The following NACA variants were observed in gnomAD, a reference collection of about 807,000 sequenced individuals.
NACA encodes nascent polypeptide associated complex subunit alpha, also known as nascent polypeptide-associated complex subunit alpha.
A neutral mutation model predicts 86.4 loss-of-function variants in NACA; 42 were observed. The observed-to-expected ratio is 0.49, with a 90% CI of 0.38 to 0.63. The LOEUF (loss-of-function observed/expected upper bound fraction) is 0.63, where lower values mean the gene tolerates loss of function less well. Among genes scored for constraint, NACA ranks in the 20% least tolerant of loss-of-function variants. NACA has a pLI of 0.00. For synonymous variants in NACA, 898 were observed against 973.7 expected, an observed-to-expected ratio of 0.92 and a Z score of 1.45; for missense variants, 2,157 against 2,483.6, an observed-to-expected ratio of 0.87 and a Z score of 2.80.
Position 56,717,214 on chromosome 12 carries a change from G to T in NACA, c.4316C>A (p.Thr1439Asn). The T allele has an allele frequency of 7.7e-7, 1 of 1,306,914 alleles. No homozygotes were observed. The highest frequency in any genetic ancestry group is 1.5e-5 in the South Asian group (1 of 66,012). The allele number at this position is 1,306,914 out of a possible 1,614,324, so 81.0% of individuals were successfully genotyped here. A position where few individuals can be genotyped will look rare whatever the true frequency, so the allele number is the denominator to read the frequency against. Reference sequence around the variant, plus strand: ...TGGGGCCTTTTTGAGGGAGACAGGAGTCACTGCTGGGGGAGTGAGATCTCC... The same window carrying T: ...TGGGGCCTTTTTGAGGGAGACAGGATTCACTGCTGGGGGAGTGAGATCTCC... Reference protein sequence around the residue: ...SKGDLTPPAVTPVSLKKAPAT... With the variant: ...SKGDLTPPAVNPVSLKKAPAT... Residue 1439 changes from threonine (T) to asparagine (N), a missense_variant, in exon 3 of 9, where the codon ACT becomes AAT. By Grantham distance (65) the Thr-to-Asn change is moderately conservative. Coordinates refer to ENST00000454682, the MANE Select transcript of NACA (RefSeq NM_001365896.1).
At chr12:56,722,878 G>C (rs1953611208) in intron 2 of NACA, among the ~76,000 whole-genome samples, 1 of 141,734 alleles carries the variant, frequency 7.1e-6, no homozygotes, top group Non-Finnish European at 1.5e-5. Context: ...TGCTTAGAAG[G>C]GAATGTTAAG....
chr12:56,713,010 G>T, intron 7 of NACA, 52 bp downstream of exon 7: 1 of 1,611,130 alleles, frequency 6.2e-7, no homozygotes, highest in Non-Finnish European at 8.5e-7. Flanking sequence ...TCACCAACAC[G>T]AACACAATGC....
intron 1 of NACA, 197 bp from the exon 2 acceptor site, chr12:56,724,720 G>A: frequency 1.7e-6 from 1 of 577,836 alleles, no homozygotes; most frequent in Non-Finnish European, 3.0e-6. Flanking sequence ...ATCAAGGCCA[G>A]CAATTCCCAC....
chr12:56,717,667 T>C lies in NACA; in HGVS notation c.3863A>G (p.Asn1288Ser), dbSNP rs552914942. 16 of 1,089,710 alleles carry C rather than the reference T, an allele frequency of 1.5e-5. No homozygotes were observed. The East Asian group carries it at 2.6e-4, about 17-fold the overall frequency. The allele number at this position is 1,089,710 out of a possible 1,614,324, so 67.5% of individuals were successfully genotyped here. A position where few individuals can be genotyped will look rare whatever the true frequency, so the allele number is the denominator to read the frequency against. ...LATPPHKGAPNPAVVTPPSPK... is the reference protein window; with the variant it reads ...LATPPHKGAPSPAVVTPPSPK... ...AGAGGGAGGAGTTACAACTGCGGGATTGGGGGCCCCTTTGTGGGGTGGGGT... is the reference window on the plus strand; with the variant it reads ...AGAGGGAGGAGTTACAACTGCGGGACTGGGGGCCCCTTTGTGGGGTGGGGT... Residue 1288 changes from asparagine (N) to serine (S), a missense_variant, in exon 3 of 9, where the codon AAT becomes AGT. Physicochemically the swap from Asn to Ser is conservative, Grantham distance 46. Around this residue, in one of 8 missense-constraint regions of NACA, gnomAD observed 797 missense variants for 777.6 expected, o/e 1.02. Transcript: ENST00000454682.
rs761964739 is a variant in NACA at position 56,719,374 on chromosome 12, G to T, written c.2156C>A (p.Ala719Asp). ...PVAPSPQNTC[A>D]PLATLVLAPE... ...GGCCAGCACTAAGGTAGCCAGAGGA[G>T]CACAGGTATTCTGGGGGGATGGAGC... The change falls in exon 3 of 9, where the codon GCT becomes GAT. Residue 719 changes from alanine to aspartate, a missense_variant. Ala to Asp is a moderately radical substitution (Grantham distance 126, BLOSUM62 -2). Transcript: ENST00000454682. 9.9e-6 allele frequency: 16 copies of T among 1,610,674 alleles called. No individual in the cohort carries two copies. The South Asian group carries it at 1.8e-4, about 18-fold the overall frequency.
intron 1 of NACA, 80 bp from the exon 2 acceptor site, chr12:56,724,603 A>T: frequency 6.9e-7 from 1 of 1,459,836 alleles, no homozygotes; most frequent in Non-Finnish European, 9.3e-7. Flanking sequence ...GTATTCTTAA[A>T]AACTCCGAGG....
chr12:56,723,846 T>C (rs1953639114), intron 2 of NACA, among the ~76,000 whole-genome samples: 1 of 152,206 alleles, frequency 6.6e-6, no homozygotes, highest in Non-Finnish European at 1.5e-5. Context: ...GTCGTTAATT[T>C]CGACGCTGAG....
intron 6 of NACA, 64 bp from the exon 7 acceptor site, chr12:56,713,254 A>T (rs868609068): frequency 1.3e-6 from 2 of 1,563,374 alleles, no homozygotes; most frequent in East Asian, 4.6e-5. Context: ...TAAATCATAT[A>T]GTTTCACAAC....
Position 56,719,812 on chromosome 12 carries a change from A to G in NACA, c.1718T>C (p.Phe573Ser), listed in dbSNP as rs1399745325. 6.2e-7 allele frequency: 1 copy of G among 1,613,680 alleles called. No homozygotes were observed. The highest frequency in any genetic ancestry group is 8.5e-7 in the Non-Finnish European group (1 of 1,179,850). The change falls in exon 3 of 9, where the codon TTC (phenylalanine) becomes TCC (serine). Residue 573 changes from phenylalanine (F) to serine (S), a missense_variant. By Grantham distance (155) the Phe-to-Ser change is radical (BLOSUM62 -2). Coordinates refer to ENST00000454682, the MANE Select transcript of NACA (RefSeq NM_001365896.1). The part of the protein sequence containing the change: ...VQAAPKNSPS[F>S]QSTSSSPEIP... ...CTCTGGAGAAGAGGATGTACTTTGG[A>G]AAGAAGGGGAATTTTTAGGGGCTGC... is the stretch of plus-strand genomic sequence containing the variant.
Position 56,723,830 on chromosome 12 carries a change from T to G in NACA, c.70+622A>C, listed in dbSNP as rs1229332183. 2.0e-5 allele frequency among the ~76,000 whole-genome samples: 3 copies of G among 152,334 alleles called. No homozygotes were observed. In the South Asian group the frequency reaches 6.2e-4, roughly 32 times the overall value. Reference sequence around the variant, plus strand: ...TTTTAACCAGAATTTAAAATTAGCCTTCACAGTCGTTAATTTCGACGCTGA... The same window carrying G: ...TTTTAACCAGAATTTAAAATTAGCCGTCACAGTCGTTAATTTCGACGCTGA... On this transcript the variant is annotated intron_variant, in intron 2 of 8. Transcript: ENST00000454682.
chr12:56,721,989 TC>T (rs1159904973), intron 2 of NACA, among the ~76,000 whole-genome samples: 1 of 152,214 alleles, frequency 6.6e-6, no homozygotes, highest in African/African-American at 2.4e-5. Context: ...TGATGGGGAA[TC>T]TGAACTGAAT....
At position 56,717,129 on chromosome 12, in the gene NACA, G is replaced by C. The variant is rs1267598001; in HGVS notation, c.4401C>G (p.Leu1467=). 7.8e-7 allele frequency: 1 copy of C among 1,283,700 alleles called. No individual in the cohort carries two copies. Among genetic ancestry groups the C allele is most frequent in the Non-Finnish European group, 1.0e-6 (1 of 995,816 alleles). 79.5% of individuals were successfully genotyped at this position (1,283,700 alleles called of 1,614,324 possible). ...TGGGGGAAGGAGGAGTCACTGCTGG[G>C]AGGGTGGGATCCCCTTTGGAGGATG... ...ATPSSKGDPT[L]PAVTPPSPKE... The change falls in exon 3 of 9, where the codon CTC becomes CTG. Residue 1467 remains leucine (L), a synonymous_variant. Transcript: ENST00000454682.
chr12:56,721,104 C>G lies in NACA; in HGVS notation c.426G>C (p.Leu142=), dbSNP rs1480595797. 3 of 1,613,804 alleles carry G rather than the reference C, an allele frequency of 1.9e-6. No homozygotes were observed. The highest frequency in any genetic ancestry group is 2.5e-6 in the Non-Finnish European group (3 of 1,179,828). The change falls in exon 3 of 9, where the codon CTG becomes CTC. Residue 142 remains leucine (L), a synonymous_variant. Coordinates refer to ENST00000454682, the MANE Select transcript of NACA (RefSeq NM_001365896.1). ...SSSAPLALVA[L]APHSVQKSSA... is the part of the protein sequence containing the mutation. ...AACTCTTCTGAACTGAGTGGGGAGC[C>G]AGGGCAACCAGAGCTAAGGGAGCTG...
In NACA at chr12:56,718,955, G is replaced by A; in HGVS notation, c.2575C>T (p.Pro859Ser). The change falls in exon 3 of 9, where the codon CCA becomes TCA. Residue 859 changes from proline (P) to serine (S), a missense_variant. Around this residue, in one of 8 missense-constraint regions of NACA, gnomAD observed 174 missense variants for 217.0 expected, o/e 0.80. Transcript: ENST00000454682. Reference protein sequence around the residue: ...SPATTHSPTPPSPKGAPTPSA... With the variant: ...SPATTHSPTPSSPKGAPTPSA... ...GGAGTAGGGGCCCCTTTGGGGGATG[G>A]AGGAGTGGGAGAATGCGTCGTGGCT... is the stretch of plus-strand genomic sequence containing the variant. 1 of 1,446,986 alleles carries A rather than the reference G, an allele frequency of 6.9e-7. No individual in the cohort carries two copies. Among genetic ancestry groups the A allele is most frequent in the Non-Finnish European group, 9.3e-7 (1 of 1,071,086 alleles). The allele number at this position is 1,446,986 out of a possible 1,614,324, so 89.6% of individuals were successfully genotyped here.
In NACA at chr12:56,721,451, G is replaced by A. The variant is rs749242616; in HGVS notation, c.79C>T (p.Pro27Ser). The change falls in exon 3 of 9, where the codon CCT becomes TCT. Residue 27 changes from proline to serine, a missense_variant. Pro to Ser is a moderately conservative substitution (Grantham distance 74). Around this residue, in one of 8 missense-constraint regions of NACA, gnomAD observed 947 missense variants for 917.9 expected, o/e 1.03. Transcript: ENST00000454682. ...PQPQAETAVL[P>S]MSSALSVTAA... ...GTGACACTCAAGGCTGAAGACATAG[G>A]TAGCACAGCTGGAGAAAGGCAAAAG... 1.3e-6 allele frequency: 2 copies of A among 1,499,546 alleles called. No homozygotes were observed. Among genetic ancestry groups the A allele is most frequent in the Non-Finnish European group, 1.8e-6 (2 of 1,130,692 alleles). 92.9% of individuals were successfully genotyped at this position (1,499,546 alleles called of 1,614,324 possible). A position where few individuals can be genotyped will look rare whatever the true frequency, so the allele number is the denominator to read the frequency against.
rs1953254658 is a variant in NACA at position 56,712,850 on chromosome 12, A to G, written c.6158T>C (p.Val2053Ala). The G allele has an allele frequency of 1.2e-6, 2 of 1,614,112 alleles. No individual in the cohort carries two copies. The highest frequency in any genetic ancestry group is 2.7e-5 in the African/African-American group (2 of 74,946). ...GGCTCGGACTGCCTTTGCTCTCGAC[A>G]CATTTGCTTGTGACATGACCAATTC... ...DIELVMSQAN[V>A]SRAKAVRALK... Residue 2053 changes from valine to alanine, a missense_variant, in exon 8 of 9, where the codon GTG becomes GCG. By Grantham distance (64) the Val-to-Ala change is moderately conservative (BLOSUM62 0). Transcript: ENST00000454682.
intron 2 of NACA, among the ~76,000 whole-genome samples, chr12:56,722,696 C>CAAAACAGAACAAAA (rs1555226935): frequency 6.6e-6 from 1 of 151,568 alleles, no homozygotes; most frequent in Non-Finnish European, 1.5e-5. Context: ...CGTCTCAAAA[C>CAAAACAGAACAAAA]AAAACAAACC....
At chr12:56,712,945 C>A (rs1555224252) in intron 7 of NACA, 37 bp from the exon 8 acceptor site, 1 of 1,613,706 alleles carries the variant, frequency 6.2e-7, no homozygotes, top group South Asian at 1.1e-5. Context: ...AAATTAAAGG[C>A]AAGAACAATT....
Position 56,720,597 on chromosome 12 carries a change from A to T in NACA, c.933T>A (p.Pro311=). The part of the protein sequence containing the change: ...FPISLGSHLA[P]LHQSSFGSVQ... ...CAGAACCAAAAGAACTCTGATGTAA[A>T]GGTGCAAGATGAGAGCCCAGAGAAA... Residue 311 remains proline, a synonymous_variant, in exon 3 of 9, where the codon CCT becomes CCA. Coordinates refer to ENST00000454682, the MANE Select transcript of NACA (RefSeq NM_001365896.1). 1 of 1,614,002 alleles carries T rather than the reference A, an allele frequency of 6.2e-7. No homozygotes were observed. Among genetic ancestry groups the T allele is most frequent in the African/African-American group, 1.3e-5 (1 of 75,038 alleles).
Sources: allele counts gnomAD v4.1 joint callset (sites outside exome capture counted in the v4.1 genomes callset), GRCh38; gene constraint gnomAD v4.1.1; regional missense constraint gnomAD v4.1.1; transcripts MANE v1.5; gene names NCBI Gene and HGNC (gene_info 2026-07-23, HGNC 2026-07-21).